PHACTR1: variants seen among roughly 807,000 people sequenced by gnomAD.
The protein encoded by PHACTR1 is RPEL repeat containing 1.
In PHACTR1, 16 loss-of-function variants were observed where a neutral mutation model predicts 69.2. That is an observed-to-expected ratio of 0.23 (90% CI 0.16 to 0.35). PHACTR1 has a LOEUF of 0.35. Ranked by LOEUF, PHACTR1 falls within the 10% of genes least tolerant of loss-of-function variation. The pLI is 1.00. For synonymous variants in PHACTR1, 312 were observed against 284.5 expected (o/e 1.10, Z -0.97); for missense variants, 510 against 734.7 (o/e 0.69, Z 3.54).
intron 4 of PHACTR1, among the ~76,000 whole-genome samples, chr6:12,974,008 A>G (rs894453668): frequency 7.8e-6 from 1 of 128,030 alleles, no homozygotes; most frequent in Non-Finnish European, 1.5e-5. Flanking sequence ...TGCAACCTCC[A>G]CCTCCAGGGT....
chr6:12,760,507 G>A (rs1767905923), intron 4 of PHACTR1, among the ~76,000 whole-genome samples: 1 of 152,166 alleles, frequency 6.6e-6, no homozygotes, highest in African/African-American at 2.4e-5. Context: ...GTTGTGTGGG[G>A]AGGGAAACAG....
At chr6:13,260,263 T>C (rs1418265233) in intron 10 of PHACTR1, among the ~76,000 whole-genome samples, 1 of 152,156 alleles carries the variant, frequency 6.6e-6, no homozygotes, top group Non-Finnish European at 1.5e-5. Flanking sequence ...GGGAACTCCA[T>C]AGACAGAACT....
At chr6:12,895,463 A>G (rs554652869) in intron 4 of PHACTR1, among the ~76,000 whole-genome samples, 2 of 152,072 alleles carry the variant, frequency 1.3e-5, no homozygotes, top group Admixed American at 1.3e-4. Context: ...GATTACAGGC[A>G]TGAGCCACCA....
At chr6:12,720,795 T>C (rs1268448366) in intron 3 of PHACTR1, among the ~76,000 whole-genome samples, 1 of 152,242 alleles carries the variant, frequency 6.6e-6, no homozygotes, top group South Asian at 2.1e-4. Context: ...GATGGCTACC[T>C]AGCCAGTTCA....
At chr6:13,072,448 A>G (rs1184436464) in intron 5 of PHACTR1, among the ~76,000 whole-genome samples, 1 of 149,524 alleles carries the variant, frequency 6.7e-6, no homozygotes, top group Non-Finnish European at 1.5e-5. Context: ...CTTAATTCTG[A>G]CAGTCTTATA....
intron 6 of PHACTR1, among the ~76,000 whole-genome samples, chr6:13,178,438 G>A (rs1409164011): frequency 3.9e-5 from 6 of 152,320 alleles, no homozygotes; most frequent in East Asian, 1.9e-4. Context: ...TTCTCAAAGC[G>A]TGGTACCCTG....
chr6:12,998,834 C>T (rs1318496430), intron 4 of PHACTR1, among the ~76,000 whole-genome samples: 1 of 151,536 alleles, frequency 6.6e-6, no homozygotes, highest in Non-Finnish European at 1.5e-5. Context: ...AATCAATAAA[C>T]AAGTGGACAA....
At chr6:12,738,263 AG>A (rs1288172464) in intron 3 of PHACTR1, among the ~76,000 whole-genome samples, 1 of 152,172 alleles carries the variant, frequency 6.6e-6, no homozygotes, top group Admixed American at 6.5e-5. Context: ...GGTGCTCCAA[AG>A]GTGGTTATAT....
In PHACTR1 at chr6:12,838,548, CAAGTT is replaced by C. The variant is rs1210739887; in HGVS notation, c.250+88764_250+88768del. Among the ~76,000 whole-genome samples, 4 of 152,246 alleles carry C rather than the reference CAAGTT, an allele frequency of 2.6e-5. No individual in the cohort carries two copies. In the East Asian group the frequency reaches 5.8e-4, roughly 22 times the overall value. ...AAATATTAAAAGTAGTAGTTTATAACAAGTTAAGTTGTCTTTGGTAAAATAAACAA... is the reference window on the plus strand; with the variant it reads ...AAATATTAAAAGTAGTAGTTTATAACAAGTTGTCTTTGGTAAAATAAACAA... On this transcript the variant is annotated intron_variant, in intron 4 of 14. Coordinates refer to ENST00000332995, the MANE Select transcript of PHACTR1 (RefSeq NM_030948.6).
At chr6:12,784,778 G>A (rs1024566385) in intron 4 of PHACTR1, among the ~76,000 whole-genome samples, 13 of 151,442 alleles carry the variant, frequency 8.6e-5, no homozygotes, top group African/African-American at 2.4e-4. Flanking sequence ...GCAATGGCAC[G>A]ATCTTGGCTC....
intron 4 of PHACTR1, among the ~76,000 whole-genome samples, chr6:13,025,709 G>GTGTGTGTC (rs1001399090): frequency 2.6e-5 from 4 of 151,098 alleles, no homozygotes; most frequent in African/African-American, 9.7e-5. Context: ...GTGTGTGTGT[G>GTGTGTGTC]TCTGTGTGTA....
chr6:12,874,682 C>G (rs1313089476), intron 4 of PHACTR1, among the ~76,000 whole-genome samples: 3 of 152,172 alleles, frequency 2.0e-5, no homozygotes, highest in Admixed American at 2.0e-4. Context: ...AATGTGGTAT[C>G]AAACTGAAAG....
At chr6:13,009,501 C>T (rs1273666152) in intron 4 of PHACTR1, among the ~76,000 whole-genome samples, 2 of 152,148 alleles carry the variant, frequency 1.3e-5, no homozygotes, top group Non-Finnish European at 2.9e-5. Context: ...TGTATTTCTA[C>T]TGTATCTTTC....
intron 4 of PHACTR1, among the ~76,000 whole-genome samples, chr6:12,922,725 A>G (rs921268446): frequency 2.0e-5 from 3 of 152,188 alleles, no homozygotes; most frequent in African/African-American, 7.2e-5. Flanking sequence ...GGAAGTAAAT[A>G]CCTTCTAAGT....
chr6:12,846,791 C>A (rs1283495647), intron 4 of PHACTR1, among the ~76,000 whole-genome samples: 1 of 150,724 alleles, frequency 6.6e-6, no homozygotes, highest in Admixed American at 6.6e-5. Flanking sequence ...TACCACTTAG[C>A]AACTTGCTTT....
chr6:12,746,461 T>G (rs566993737), intron 3 of PHACTR1, among the ~76,000 whole-genome samples: 1 of 152,048 alleles, frequency 6.6e-6, no homozygotes, highest in Non-Finnish European at 1.5e-5. Flanking sequence ...TGCTTGAGCC[T>G]GGGGAGGTGG....
chr6:12,927,847 G>A (rs1039392455), intron 4 of PHACTR1, among the ~76,000 whole-genome samples: 5 of 152,172 alleles, frequency 3.3e-5, no homozygotes, highest in Admixed American at 1.3e-4. Flanking sequence ...GGAACAGGGC[G>A]AGCTCAGCCC....
intron 4 of PHACTR1, among the ~76,000 whole-genome samples, chr6:12,752,369 A>T (rs1306150516): frequency 1.3e-5 from 2 of 152,246 alleles, no homozygotes; most frequent in African/African-American, 4.8e-5. Flanking sequence ...GGGCATAGAG[A>T]TAATTTTGTT....
In PHACTR1 at chr6:13,171,652, A is replaced by C. The variant is rs567965305; in HGVS notation, c.497-10867A>C. Among the ~76,000 whole-genome samples the C allele has an allele frequency of 3.9e-5, 6 of 152,308 alleles. No homozygotes were observed. In the South Asian group the frequency reaches 1.2e-3, roughly 32 times the overall value. Reference sequence around the variant, plus strand: ...TTGTGAATTTTGTTCAATTTTAACGAACTTGAACACCACTACATGTGTCTA... The same window carrying C: ...TTGTGAATTTTGTTCAATTTTAACGCACTTGAACACCACTACATGTGTCTA... On this transcript the variant is annotated intron_variant, in intron 6 of 14. Coordinates refer to ENST00000332995, the MANE Select transcript of PHACTR1 (RefSeq NM_030948.6).
Sources: allele counts gnomAD v4.1 joint callset (sites outside exome capture counted in the v4.1 genomes callset), GRCh38; gene constraint gnomAD v4.1.1; transcripts MANE v1.5; gene names NCBI Gene and HGNC (gene_info 2026-07-23, HGNC 2026-07-21).